MYT1L: variants seen among roughly 807,000 people sequenced by gnomAD.
The protein encoded by MYT1L is myelin transcription factor 1-like protein.
MYT1L carries 12 observed loss-of-function variants against 126.7 expected under a neutral mutation model. The observed-to-expected ratio is 0.09, with a 90% CI of 0.06 to 0.15. The LOEUF is 0.15. Among genes scored for constraint, MYT1L ranks in the 10% least tolerant of loss-of-function variants. MYT1L has a pLI of 1.00. For missense variants in MYT1L, 979 were observed against 1,585.2 expected, an observed-to-expected ratio of 0.62 and a Z score of 6.49; for synonymous variants, 541 against 604.2, an observed-to-expected ratio of 0.90 and a Z score of 1.53.
At position 1,960,874 on chromosome 2, in the gene MYT1L, C is replaced by T. The variant is rs547518863; in HGVS notation, c.153-17540G>A. The stretch of plus-strand genomic sequence containing the variant: ...TGTCCCTGGGGCTTCTCCCGCAGTG[C>T]ACCCGCCTCCCTGGACCCTCCTGTG... On this transcript the variant is annotated intron_variant, in intron 8 of 24. Transcript: ENST00000647738. Among the ~76,000 whole-genome samples the T allele has an allele frequency of 4.6e-5, 7 of 152,128 alleles. No homozygotes were observed. In the East Asian group the frequency reaches 9.7e-4, roughly 21 times the overall value.
At chr2:2,071,559 A>G (rs2074603776) in intron 3 of MYT1L, among the ~76,000 whole-genome samples, 1 of 152,194 alleles carries the variant, frequency 6.6e-6, no homozygotes, top group African/African-American at 2.4e-5. Flanking sequence ...TCTCAGTTTG[A>G]GGGGGCACTG....
At chr2:1,799,976 T>A (rs113419129) in intron 23 of MYT1L, among the ~76,000 whole-genome samples, 1 of 152,154 alleles carries the variant, frequency 6.6e-6, no homozygotes, top group African/African-American at 2.4e-5. Context: ...CCTTCTGCCA[T>A]GATTGTAAAT....
chr2:2,279,162 T>A (rs1030840756), intron 2 of MYT1L, among the ~76,000 whole-genome samples: 1 of 152,206 alleles, frequency 6.6e-6, no homozygotes, highest in Non-Finnish European at 1.5e-5. Context: ...TTTCTTAGTG[T>A]CTTAACAGTT....
At chr2:2,194,464 T>C (rs2092714622) in intron 2 of MYT1L, among the ~76,000 whole-genome samples, 1 of 152,218 alleles carries the variant, frequency 6.6e-6, no homozygotes, top group African/African-American at 2.4e-5. Flanking sequence ...TATAGCTATA[T>C]TCCTTTAGAA....
rs2095996376 is a variant in MYT1L at position 2,312,791 on chromosome 2, G to A, written c.-521+18176C>T. 2.0e-5 allele frequency among the ~76,000 whole-genome samples: 3 copies of A among 152,036 alleles called. No homozygotes were observed. The South Asian group carries it at 6.2e-4, about 32-fold the overall frequency. On this transcript the variant is annotated intron_variant, in intron 1 of 24. Coordinates refer to ENST00000647738, the MANE Select transcript of MYT1L (RefSeq NM_001303052.2). ...AGAACATATTCATTGCTGCATCAAG[G>A]ACATTTCACTCAAAAGAGGTGGTAG...
At chr2:2,043,740 G>T (rs1207163702) in intron 4 of MYT1L, among the ~76,000 whole-genome samples, 1 of 152,178 alleles carries the variant, frequency 6.6e-6, no homozygotes, top group Non-Finnish European at 1.5e-5. Flanking sequence ...TCAGGAGCAG[G>T]CCTGCTACCC....
chr2:2,123,764 C>T (rs1575334015), intron 3 of MYT1L, among the ~76,000 whole-genome samples: 1 of 152,174 alleles, frequency 6.6e-6, no homozygotes, highest in Admixed American at 6.5e-5. Flanking sequence ...CAGACTAATA[C>T]AGGAAGATGA....
chr2:2,322,931 A>T (rs1573580586), intron 1 of MYT1L, among the ~76,000 whole-genome samples: 1 of 152,154 alleles, frequency 6.6e-6, no homozygotes, highest in African/African-American at 2.4e-5. Flanking sequence ...ATTTTTAAAA[A>T]CTCAATTTTT....
intron 3 of MYT1L, among the ~76,000 whole-genome samples, chr2:2,164,656 A>T (rs551142360): frequency 6.6e-6 from 1 of 152,320 alleles, no homozygotes; most frequent in East Asian, 1.9e-4. Context: ...TGTGGGAATG[A>T]ATGAGAAGAA....
chr2:2,249,610 G>A (rs553945195), intron 2 of MYT1L, among the ~76,000 whole-genome samples: 1 of 152,120 alleles, frequency 6.6e-6, no homozygotes, highest in African/African-American at 2.4e-5. Context: ...CCAGGACATT[G>A]ATCTGGGCAG....
At chr2:1,986,073 C>T (rs2060995438) in intron 5 of MYT1L, among the ~76,000 whole-genome samples, 1 of 152,200 alleles carries the variant, frequency 6.6e-6, no homozygotes, top group African/African-American at 2.4e-5. Context: ...GGTGGACGTC[C>T]TGACGGAAAA....
chr2:1,939,015 C>T (rs2056323059), intron 9 of MYT1L, among the ~76,000 whole-genome samples: 1 of 152,228 alleles, frequency 6.6e-6, no homozygotes, highest in South Asian at 2.1e-4. Context: ...AAATACCCGA[C>T]TGGATGAACA....
chr2:2,282,606 C>G (rs2095463933), intron 2 of MYT1L, among the ~76,000 whole-genome samples: 1 of 152,130 alleles, frequency 6.6e-6, no homozygotes, highest in South Asian at 2.1e-4. Flanking sequence ...TTAAGAAAAT[C>G]ATTAACAGTG....
intron 2 of MYT1L, among the ~76,000 whole-genome samples, chr2:2,232,284 G>C (rs540713281): frequency 6.6e-6 from 1 of 152,362 alleles, no homozygotes; most frequent in African/African-American, 2.4e-5. Flanking sequence ...AAGCAGCTCT[G>C]CCCTCCAGCC....
At chr2:2,008,746 T>A (rs2063553785) in intron 4 of MYT1L, among the ~76,000 whole-genome samples, 1 of 152,198 alleles carries the variant, frequency 6.6e-6, no homozygotes, top group Non-Finnish European at 1.5e-5. Context: ...TTTTAAAAAG[T>A]GTTGCTGTGA....
At chr2:2,160,390 G>A (rs1296882490) in intron 3 of MYT1L, among the ~76,000 whole-genome samples, 2 of 152,192 alleles carry the variant, frequency 1.3e-5, no homozygotes, top group East Asian at 3.9e-4. Context: ...CCAAATGGTT[G>A]ATGAAGGAAC....
intron 8 of MYT1L, among the ~76,000 whole-genome samples, chr2:1,953,395 C>T (rs1320180599): frequency 1.3e-5 from 2 of 152,222 alleles, no homozygotes; most frequent in Non-Finnish European, 2.9e-5. Context: ...CAGCTCTATG[C>T]TCATTTATGA....
Position 2,277,373 on chromosome 2 carries a change from T to C in MYT1L, c.-421+7031A>G, listed in dbSNP as rs866283989. On this transcript the variant is annotated intron_variant, in intron 2 of 24. Coordinates refer to ENST00000647738, the MANE Select transcript of MYT1L (RefSeq NM_001303052.2). Reference sequence around the variant, plus strand: ...AAGCATTTGCTCAAGGGTGACCTTGTGGAAAACCACTTCTGTTACCTCCCA... The same window carrying C: ...AAGCATTTGCTCAAGGGTGACCTTGCGGAAAACCACTTCTGTTACCTCCCA... Among the ~76,000 whole-genome samples the C allele has an allele frequency of 9.2e-5, 14 of 152,340 alleles. No individual in the cohort carries two copies. In the South Asian group the frequency reaches 2.5e-3, roughly 27 times the overall value.
chr2:1,797,904 T>C (rs1289108364), intron 23 of MYT1L, among the ~76,000 whole-genome samples: 2 of 25,588 alleles, frequency 7.8e-5, no homozygotes, highest in African/African-American at 1.6e-4. Context: ...CTCCCCCTTC[T>C]CCGGCACAGG....
Sources: gnomAD v4.1 joint callset for allele counts (sites outside exome capture counted in the v4.1 genomes callset) on GRCh38, gnomAD v4.1.1 for gene constraint, MANE v1.5 for transcripts, NCBI Gene and HGNC (gene_info 2026-07-23, HGNC 2026-07-21) for gene names.